TEK: variants seen among roughly 807,000 people sequenced by gnomAD.
TEK encodes the protein TEK receptor tyrosine kinase, also known as angiopoietin-1 receptor.
Under a neutral mutation model 131.8 loss-of-function variants are expected in TEK, and 43 were observed. The observed-to-expected ratio is 0.33, with a 90% CI of 0.26 to 0.42. The LOEUF is 0.42. Among genes scored for constraint, TEK ranks in the 10% least tolerant of loss-of-function variants. The pLI is 1.00. For synonymous variants in TEK, 580 were observed against 491.6 expected, an observed-to-expected ratio of 1.18 and a Z score of -2.38; for missense variants, 1,162 against 1,384.4, an observed-to-expected ratio of 0.84 and a Z score of 2.55.
At chr9:27,142,430 G>A (rs1386555869) in intron 1 of TEK, among the ~76,000 whole-genome samples, 1 of 152,220 alleles carries the variant, frequency 6.6e-6, no homozygotes, top group Non-Finnish European at 1.5e-5. Context: ...TGGAACAGGT[G>A]CTAAGCAAAG....
intron 1 of TEK, among the ~76,000 whole-genome samples, chr9:27,124,680 G>A (rs1821921111): frequency 6.6e-6 from 1 of 152,128 alleles, no homozygotes; most frequent in South Asian, 2.1e-4. Flanking sequence ...CAACTCACTC[G>A]GCTTCATCTG....
At chr9:27,224,699 G>A (rs951432697) in intron 21 of TEK, among the ~76,000 whole-genome samples, 3 of 152,150 alleles carry the variant, frequency 2.0e-5, no homozygotes, top group Non-Finnish European at 4.4e-5. Context: ...ACCGGCATAA[G>A]ACAAGGATGC....
chr9:27,158,535 C>T (rs756793761), intron 2 of TEK, among the ~76,000 whole-genome samples: 2 of 151,864 alleles, frequency 1.3e-5, no homozygotes, highest in Non-Finnish European at 2.9e-5. Context: ...TTTGCTTGTC[C>T]CTAAATACCC....
chr9:27,190,706 G>T lies in TEK; in HGVS notation c.1489+16G>T. 2 of 1,613,778 alleles carry T rather than the reference G, an allele frequency of 1.2e-6. No individual in the cohort carries two copies. The highest frequency in any genetic ancestry group is 1.1e-5 in the South Asian group (1 of 91,076). On this transcript the variant is annotated intron_variant, in intron 10 of 22. Coordinates refer to ENST00000380036, the MANE Select transcript of TEK (RefSeq NM_000459.5). ...CATATTCAAGGTAAGCTTTGGACAG[G>T]ATAGATGCCAGCTGGGGATGTGGCA...
intron 12 of TEK, among the ~76,000 whole-genome samples, chr9:27,200,499 T>A (rs1825176727): frequency 6.6e-6 from 1 of 152,060 alleles, no homozygotes. Context: ...GGATGTGAGA[T>A]TGGCAGGGTA....
rs201024056 is a variant in TEK, at chr9:27,206,582, A to G, written c.2365A>G (p.Arg789Gly). The stretch of plus-strand genomic sequence containing the variant: ...AATGATGAAATAATTATTTTTCCAG[A>G]GGGAAGAACCAGCTGTGCAGTTCAA... ...RRMAQAFQNV[R>G]EEPAVQFNSG... The change falls in exon 15 of 23, where the codon AGG (arginine) becomes GGG (glycine). Residue 789 changes from arginine to glycine, a missense_variant and splice_region_variant. This residue lies in a region of TEK where 477 missense variants were observed against 471.0 expected (regional missense o/e 1.01). Coordinates refer to ENST00000380036, the MANE Select transcript of TEK (RefSeq NM_000459.5). The G allele has an allele frequency of 1.9e-6, 3 of 1,613,566 alleles. No homozygotes were observed. The highest frequency in any genetic ancestry group is 2.5e-6 in the Non-Finnish European group (3 of 1,179,788).
intron 9 of TEK, among the ~76,000 whole-genome samples, chr9:27,188,457 A>G (rs1429815603): frequency 6.6e-6 from 1 of 152,194 alleles, no homozygotes; most frequent in Non-Finnish European, 1.5e-5. Context: ...TCACAGACTG[A>G]CATTAATGGC....
At chr9:27,213,398 C>CTAT in intron 17 of TEK, 86 bp from the exon 18 acceptor site, 1 of 954,886 alleles carries the variant, frequency 1.0e-6, no homozygotes, top group South Asian at 1.3e-5. Flanking sequence ...CTTTTTTATA[C>CTAT]TATTGTTTTC....
chr9:27,220,227 A>C, intron 21 of TEK, 82 bp downstream of exon 21: 2 of 1,344,782 alleles, frequency 1.5e-6, no homozygotes, highest in Non-Finnish European at 2.1e-6. Flanking sequence ...TAGCAAAGTC[A>C]GCCGGTATAC....
At chr9:27,114,924 A>G (rs1821491348) in intron 1 of TEK, among the ~76,000 whole-genome samples, 1 of 152,198 alleles carries the variant, frequency 6.6e-6, no homozygotes. Context: ...TCATTCACTC[A>G]TCTATCCTTT....
Position 27,135,149 on chromosome 9 carries a change from A to G in TEK, c.53-22682A>G, listed in dbSNP as rs548026358. 6.6e-5 allele frequency among the ~76,000 whole-genome samples: 10 copies of G among 151,424 alleles called. No homozygotes were observed. The South Asian group carries it at 2.1e-3, about 32-fold the overall frequency. ...TGAGGCAGGAGAATCGCTTGAACCC[A>G]GGAGGTGGAGGTTGCAGTGAGCCGA... On this transcript the variant is annotated intron_variant, in intron 1 of 22. Transcript: ENST00000380036.
chr9:27,117,885 T>C (rs913110716), intron 1 of TEK, among the ~76,000 whole-genome samples: 2 of 152,116 alleles, frequency 1.3e-5, no homozygotes, highest in Non-Finnish European at 2.9e-5. Flanking sequence ...TCATGCTTCC[T>C]GGGGGGAGCA....
chr9:27,174,990 T>TATC, intron 6 of TEK, among the ~76,000 whole-genome samples: 1 of 151,202 alleles, frequency 6.6e-6, no homozygotes, highest in East Asian at 1.9e-4. Context: ...TTTTTATTAT[T>TATC]ATTATTATTA....
At chr9:27,156,965 C>T (rs1244510494) in intron 1 of TEK, among the ~76,000 whole-genome samples, 1 of 148,268 alleles carries the variant, frequency 6.7e-6, no homozygotes. Flanking sequence ...ATGTTAGAAC[C>T]TTTAGAAATC....
Position 27,220,007 on chromosome 9 carries a change from T to C in TEK, c.3104-42T>C, listed in dbSNP as rs770330409. 1.3e-5 allele frequency: 21 copies of C among 1,599,098 alleles called. No individual in the cohort carries two copies. In the Middle Eastern group the frequency reaches 6.7e-4, roughly 51 times the overall value. On this transcript the variant is annotated intron_variant, in intron 20 of 22. Coordinates refer to ENST00000380036, the MANE Select transcript of TEK (RefSeq NM_000459.5). ...AACCCTGGACAGGAAGCATTGCTTT[T>C]CATGCCAGAGAGGACTTAGAGTGGC... is the stretch of plus-strand genomic sequence containing the variant.
At chr9:27,215,062 G>A (rs1052086900) in intron 18 of TEK, among the ~76,000 whole-genome samples, 1 of 152,122 alleles carries the variant, frequency 6.6e-6, no homozygotes, top group Admixed American at 6.5e-5. Context: ...TGGGGGATGT[G>A]GGTACCCTGG....
chr9:27,170,908 A>G lies in TEK; in HGVS notation c.628+1279A>G, dbSNP rs150094137. Among the ~76,000 whole-genome samples, 73 of 152,316 alleles carry G rather than the reference A, an allele frequency of 4.8e-4. 1 individual carries two copies. The highest frequency in any genetic ancestry group is 1.7e-3 in the African/African-American group (70 of 41,556). On this transcript the variant is annotated intron_variant, in intron 4 of 22. Coordinates refer to ENST00000380036, the MANE Select transcript of TEK (RefSeq NM_000459.5). ...TAGAAGCTCACATTTGTACAGCATAATCATCCATATAAAAAGGGGGATCAC... is the reference window on the plus strand; with the variant it reads ...TAGAAGCTCACATTTGTACAGCATAGTCATCCATATAAAAAGGGGGATCAC...
At chr9:27,210,415 A>G (rs1422416099) in intron 16 of TEK, 2 of 194,064 alleles carry the variant, frequency 1.0e-5, no homozygotes, top group Admixed American at 5.2e-5. Flanking sequence ...CTGGATGCCC[A>G]GGGAAAGTGG....
At chr9:27,190,389 C>T in intron 9 of TEK, 140 bp from the exon 10 acceptor site, 1 of 919,376 alleles carries the variant, frequency 1.1e-6, no homozygotes, top group Non-Finnish European at 1.7e-6. Context: ...GCTTAGAGAG[C>T]AGGTGATCTC....
Sources: gnomAD v4.1 joint callset for allele counts (sites outside exome capture counted in the v4.1 genomes callset) on GRCh38, gnomAD v4.1.1 for gene constraint, gnomAD v4.1.1 regional missense constraint, MANE v1.5 for transcripts, NCBI Gene and HGNC (gene_info 2026-07-23, HGNC 2026-07-21) for gene names.